The following LPP variants were observed in gnomAD, a reference collection of about 807,000 sequenced individuals.
LPP encodes LIM domain containing preferred translocation partner in lipoma, also known as lipoma-preferred partner.
In LPP, 38 loss-of-function variants were observed where a neutral mutation model predicts 60.4. That is an observed-to-expected ratio of 0.63 (90% CI 0.49 to 0.83). The LOEUF (loss-of-function observed/expected upper bound fraction) is 0.83. Among genes scored for constraint, LPP ranks in the 40% least tolerant of loss-of-function variants. LPP has a pLI of 0.00. For missense variants in LPP, 902 were observed against 783.6 expected, an observed-to-expected ratio of 1.15 and a Z score of -1.80; for synonymous variants, 328 against 290.8, an observed-to-expected ratio of 1.13 and a Z score of -1.30.
intron 6 of LPP, among the ~76,000 whole-genome samples, chr3:188,544,233 A>G (rs555438619): frequency 6.6e-6 from 1 of 152,294 alleles, no homozygotes; most frequent in South Asian, 2.1e-4. Context: ...AGCTTGATGT[A>G]ATGAATATAG....
chr3:188,447,925 C>T (rs1371113970), intron 4 of LPP, among the ~76,000 whole-genome samples: 1 of 152,134 alleles, frequency 6.6e-6, no homozygotes, highest in East Asian at 1.9e-4. Context: ...AAATTATCTA[C>T]TGTTGTACTG....
rs1770855994 is a variant in LPP at position 188,887,838 on chromosome 3, AC to A, written c.*13362del. ...TTTAAAAGACTTTCTTCCTTTTACTACCCATTTCCTCTCTTGGGAAAGCTGA... is the reference window on the plus strand; with the variant it reads ...TTTAAAAGACTTTCTTCCTTTTACTACCATTTCCTCTCTTGGGAAAGCTGA... On this transcript the variant is annotated 3_prime_UTR_variant, in exon 12 of 12. Transcript: ENST00000617246. The A allele has an allele frequency of 9.5e-6, 2 of 211,538 alleles. No individual in the cohort carries two copies. Among genetic ancestry groups the A allele is most frequent in the African/African-American group, 4.5e-5 (2 of 44,134 alleles). 13.1% of individuals were successfully genotyped at this position (211,538 alleles called of 1,614,324 possible).
At chr3:188,778,876 C>G (rs1738665318) in intron 9 of LPP, among the ~76,000 whole-genome samples, 2 of 152,156 alleles carry the variant, frequency 1.3e-5, no homozygotes, top group South Asian at 4.2e-4. Context: ...TCTAGTTTAT[C>G]CACCAAATAA....
At chr3:188,179,512 A>G (rs1724279435) in intron 1 of LPP, 1 of 457,552 alleles carries the variant, frequency 2.2e-6, no homozygotes, top group African/African-American at 2.0e-5. Context: ...TGCCCAGTGC[A>G]TTTTCTACAC....
chr3:188,846,773 T>C (rs1249469532), intron 9 of LPP, among the ~76,000 whole-genome samples: 9 of 150,934 alleles, frequency 6.0e-5, no homozygotes, highest in Admixed American at 3.9e-4. Context: ...TAGGGTACCA[T>C]AGGGGAATGA....
intron 2 of LPP, among the ~76,000 whole-genome samples, chr3:188,250,590 T>G (rs895829674): frequency 3.3e-5 from 5 of 152,188 alleles, no homozygotes; most frequent in Non-Finnish European, 5.9e-5. Context: ...GGTGCAAAAT[T>G]AGGATTCCAT....
chr3:188,526,972 A>G (rs887983002), intron 6 of LPP, among the ~76,000 whole-genome samples: 3 of 152,222 alleles, frequency 2.0e-5, no homozygotes, highest in Non-Finnish European at 2.9e-5. Flanking sequence ...AATTCTTATC[A>G]AAAGACTTGC....
chr3:188,248,497 T>TATATATATATATATATATATATAC lies in LPP; in HGVS notation c.-67+22971_-67+22972insTATATATATATATATATATATACA, dbSNP rs1288280759. Among the ~76,000 whole-genome samples, 75 of 140,678 alleles carry TATATATATATATATATATATATAC rather than the reference T, an allele frequency of 5.3e-4. 1 individual carries two copies. Among genetic ancestry groups the TATATATATATATATATATATATAC allele is most frequent in the South Asian group, 9.2e-4 (4 of 4,338 alleles). The allele number at this position is 140,678 out of a possible 152,430, so 92.3% of individuals were successfully genotyped here. A position where few individuals can be genotyped will look rare whatever the true frequency, so the allele number is the denominator to read the frequency against. Reference sequence around the variant, plus strand: ...ATATATATATATATATATATATATATACAGTCAGCAGAGCTTGTTTTGGAA... The same window carrying TATATATATATATATATATATATAC: ...ATATATATATATATATATATATATATATATATATATATATATATATATACACAGTCAGCAGAGCTTGTTTTGGAA... On this transcript the variant is annotated intron_variant, in intron 2 of 11. Coordinates refer to ENST00000617246, the MANE Select transcript of LPP (RefSeq NM_001375462.1).
intron 6 of LPP, among the ~76,000 whole-genome samples, chr3:188,575,770 G>A (rs1046991135): frequency 6.6e-6 from 1 of 152,118 alleles, no homozygotes; most frequent in Non-Finnish European, 1.5e-5. Flanking sequence ...TGCTGATGAC[G>A]TGGACTTCTT....
chr3:188,441,598 TC>T (rs1431414466), intron 4 of LPP, among the ~76,000 whole-genome samples: 2 of 122,824 alleles, frequency 1.6e-5, no homozygotes, highest in African/African-American at 7.2e-5. Flanking sequence ...TTTCTTTTTT[TC>T]TTTTCTTTTC....
At chr3:188,602,131 A>T (rs866669001) in intron 6 of LPP, among the ~76,000 whole-genome samples, 1 of 120,434 alleles carries the variant, frequency 8.3e-6, no homozygotes, top group South Asian at 2.5e-4. Flanking sequence ...TATATATAGC[A>T]TTCTTAATCT....
intron 9 of LPP, among the ~76,000 whole-genome samples, chr3:188,809,948 C>A (rs1457321006): frequency 6.6e-6 from 1 of 152,074 alleles, no homozygotes; most frequent in African/African-American, 2.4e-5. Context: ...ACCCTTTCCC[C>A]ATTGCTTGTT....
intron 6 of LPP, among the ~76,000 whole-genome samples, chr3:188,602,898 A>G (rs905757570): frequency 6.6e-6 from 1 of 151,824 alleles, no homozygotes; most frequent in Admixed American, 6.6e-5. Flanking sequence ...CAACTCTTCA[A>G]TTGCATGCTT....
intron 6 of LPP, among the ~76,000 whole-genome samples, chr3:188,540,496 A>G (rs80066215): frequency 0.031 from 4,668 of 152,294 alleles, 102 homozygotes; most frequent in African/African-American, 0.057. Context: ...AACTAATTTC[A>G]TAGAGTTTAA....
intron 7 of LPP, among the ~76,000 whole-genome samples, chr3:188,644,516 G>A (rs749950669): frequency 1.3e-5 from 2 of 152,008 alleles, no homozygotes; most frequent in African/African-American, 2.4e-5. Context: ...TTTGGAGGCC[G>A]CTTAGTATAA....
chr3:188,858,811 C>A (rs113599828), intron 9 of LPP, among the ~76,000 whole-genome samples: 2 of 151,928 alleles, frequency 1.3e-5, no homozygotes, highest in Non-Finnish European at 2.9e-5. Context: ...GATGTTCGGC[C>A]GGGCGTGGTG....
rs137893894 is a variant in LPP at position 188,366,130 on chromosome 3, G to A, written c.-10+24411G>A. ...AATTTGCACATATCAGTGAGGTCAC[G>A]CAGTGTTTGTTTTTCTGTGCCTGGC... On this transcript the variant is annotated intron_variant, in intron 3 of 11. Coordinates refer to ENST00000617246, the MANE Select transcript of LPP (RefSeq NM_001375462.1). Among the ~76,000 whole-genome samples, 7 of 152,166 alleles carry A rather than the reference G, an allele frequency of 4.6e-5. No individual in the cohort carries two copies. In the East Asian group the frequency reaches 7.7e-4, roughly 17 times the overall value.
chr3:188,801,102 C>T (rs1747118968), intron 9 of LPP, among the ~76,000 whole-genome samples: 1 of 152,104 alleles, frequency 6.6e-6, no homozygotes, highest in Non-Finnish European at 1.5e-5. Flanking sequence ...ACCTGCATTT[C>T]ATGTTGGGCT....
chr3:188,835,067 A>G (rs577776844), intron 9 of LPP, among the ~76,000 whole-genome samples: 1 of 152,274 alleles, frequency 6.6e-6, no homozygotes, highest in African/African-American at 2.4e-5. Flanking sequence ...TAACAGACCC[A>G]TATATCAATT....
Sources: allele counts gnomAD v4.1 joint callset (sites outside exome capture counted in the v4.1 genomes callset), GRCh38; gene constraint gnomAD v4.1.1; transcripts MANE v1.5; gene names NCBI Gene and HGNC (gene_info 2026-07-23, HGNC 2026-07-21).